The following RNF141 variants were observed in gnomAD, a reference collection of about 807,000 sequenced individuals.
The protein encoded by RNF141 is C3HC4-like zinc finger protein.
A neutral mutation model predicts 27.4 loss-of-function variants in RNF141; 18 were observed. That is an observed-to-expected ratio of 0.66 (90% confidence interval 0.45 to 0.97). RNF141 has a LOEUF of 0.97. RNF141 is among the 50% of genes least tolerant of loss of function. The pLI is 0.00. For synonymous variants in RNF141, 97 were observed against 96.6 expected, an observed-to-expected ratio of 1.00 and a Z score of -0.02; for missense variants, 230 against 279.4, an observed-to-expected ratio of 0.82 and a Z score of 1.26.
At chr11:10,536,117 C>T (rs1163190924) in intron 1 of RNF141, among the ~76,000 whole-genome samples, 3 of 152,002 alleles carry the variant, frequency 2.0e-5, no homozygotes, top group Non-Finnish European at 4.4e-5. Context: ...AGTACAGGTG[C>T]TGTGAAAGCC....
intron 5 of RNF141, chr11:10,516,626 T>TGTGAAGA (rs1161307236): frequency 3.9e-5 from 6 of 152,228 alleles, no homozygotes; most frequent in African/African-American, 1.4e-4. Flanking sequence ...AGTGTGTGCA[T>TGTGAAGA]GTGAAGACAC....
At chr11:10,523,343 G>C (rs1159140185) in intron 4 of RNF141, among the ~76,000 whole-genome samples, 1 of 152,232 alleles carries the variant, frequency 6.6e-6, no homozygotes, top group African/African-American at 2.4e-5. Context: ...GTCTTGGCTA[G>C]AACAATTTCT....
At chr11:10,521,307 T>C (rs1220099201) in intron 4 of RNF141, among the ~76,000 whole-genome samples, 2 of 152,244 alleles carry the variant, frequency 1.3e-5, no homozygotes, top group Non-Finnish European at 2.9e-5. Context: ...ATTGATTGGC[T>C]GGCCTTTCCA....
At chr11:10,515,300 G>A in intron 5 of RNF141, 1 of 513,186 alleles carries the variant, frequency 1.9e-6, no homozygotes, top group Non-Finnish European at 3.4e-6. Context: ...AAGCTTATGT[G>A]TACACACATG....
At chr11:10,516,617 G>A (rs989995935) in intron 5 of RNF141, 2 of 152,278 alleles carry the variant, frequency 1.3e-5, no homozygotes, top group Admixed American at 1.3e-4. Context: ...GTGCTGATCA[G>A]TGTGTGCATG....
chr11:10,536,323 A>T (rs954607972), intron 1 of RNF141, among the ~76,000 whole-genome samples: 1 of 152,146 alleles, frequency 6.6e-6, no homozygotes, highest in South Asian at 2.1e-4. Context: ...GGTAATTTTT[A>T]AAAAGGCCAC....
In RNF141 at chr11:10,512,179, C is replaced by T. The variant is rs993404016; in HGVS notation, c.*2737G>A. 1 of 152,596 alleles carries T rather than the reference C, an allele frequency of 6.6e-6. No homozygotes were observed. 9.5% of individuals were successfully genotyped at this position (152,596 alleles called of 1,614,324 possible). On this transcript the variant is annotated 3_prime_UTR_variant, in exon 6 of 6. Transcript: ENST00000265981. The stretch of plus-strand genomic sequence containing the variant: ...ATTATATTTCCTATCATAGTAAGTA[C>T]ATTTAAGTACTTCATATTTAAAAAA...
At chr11:10,525,473 TAGG>T in intron 3 of RNF141, 100 bp from the exon 4 acceptor site, 1 of 887,654 alleles carries the variant, frequency 1.1e-6, no homozygotes, top group Non-Finnish European at 1.7e-6. Context: ...TCCTAGGAAA[TAGG>T]AGTTTTCAGG....
chr11:10,518,683 C>G (rs1397777153), intron 5 of RNF141: 1 of 170,046 alleles, frequency 5.9e-6, no homozygotes, highest in Non-Finnish European at 1.3e-5. Flanking sequence ...TCCCTGAGGT[C>G]CAGTATTCAA....
At chr11:10,526,501 C>T (rs11604691) in intron 3 of RNF141, among the ~76,000 whole-genome samples, 14,417 of 152,016 alleles carry the variant, frequency 0.095, 835 homozygotes, top group South Asian at 0.25. Context: ...ATGAGTCATG[C>T]GGCCAGGCAC....
In RNF141 at chr11:10,513,497, T is replaced by C. The variant is rs1475180738; in HGVS notation, c.*1419A>G. ...TGTTAATGTTAGAAATTTTAGTTCATAAGCAAAAAAAATGGTTGAGGTGCA... is the reference window on the plus strand; with the variant it reads ...TGTTAATGTTAGAAATTTTAGTTCACAAGCAAAAAAAATGGTTGAGGTGCA... On this transcript the variant is annotated 3_prime_UTR_variant, in exon 6 of 6. Transcript: ENST00000265981. 1 of 151,970 alleles carries C rather than the reference T, an allele frequency of 6.6e-6. No individual in the cohort carries two copies. The highest frequency in any genetic ancestry group is 1.5e-5 in the Non-Finnish European group (1 of 67,958). 9.4% of individuals were successfully genotyped at this position (151,970 alleles called of 1,614,324 possible).
chr11:10,524,455 C>A (rs1849914952), intron 4 of RNF141, among the ~76,000 whole-genome samples: 1 of 151,948 alleles, frequency 6.6e-6, no homozygotes, highest in Non-Finnish European at 1.5e-5. Flanking sequence ...AGGTAAAGGA[C>A]ACGGTGAATA....
At chr11:10,534,608 G>A (rs929498791) in intron 1 of RNF141, among the ~76,000 whole-genome samples, 3 of 152,024 alleles carry the variant, frequency 2.0e-5, no homozygotes, top group Non-Finnish European at 4.4e-5. Flanking sequence ...ACTGTTTTCC[G>A]TATATTATGT....
Position 10,534,055 on chromosome 11 carries a change from T to C in RNF141, c.104A>G (p.Tyr35Cys). 1 of 1,613,574 alleles carries C rather than the reference T, an allele frequency of 6.2e-7. No individual in the cohort carries two copies. Among genetic ancestry groups the C allele is most frequent in the Non-Finnish European group, 8.5e-7 (1 of 1,179,648 alleles). Residue 35 changes from tyrosine to cysteine, a missense_variant, in exon 2 of 6, where the codon TAT (tyrosine) becomes TGT (cysteine). By Grantham distance (194) the Tyr-to-Cys change is radical (BLOSUM62 -2). Coordinates refer to ENST00000265981, the MANE Select transcript of RNF141 (RefSeq NM_016422.4). Reference sequence around the variant, plus strand: ...AGCTACTCTCCCAAGAAATTCTTCATAAGTTAAGGAGCCACTCTCTCGAAC... The same window carrying C: ...AGCTACTCTCCCAAGAAATTCTTCACAAGTTAAGGAGCCACTCTCTCGAAC... ...TLVRESGSLT[Y>C]EEFLGRVAEL...
At position 10,534,477 on chromosome 11, in the gene RNF141, TACACAC is replaced by T. The variant is rs3074399; in HGVS notation, c.-47-278_-47-273del. On this transcript the variant is annotated intron_variant, in intron 1 of 5. Transcript: ENST00000265981. ...AACCACTAAAGCACATGTGCATGTG[TACACAC>T]ACACACACACACACACACACGCATT... 1.5e-3 allele frequency among the ~76,000 whole-genome samples: 230 copies of T among 149,938 alleles called. No homozygotes were observed. In the Middle Eastern group the frequency reaches 0.017, roughly 11 times the overall value.
At chr11:10,523,951 TG>T (rs1591497851) in intron 4 of RNF141, among the ~76,000 whole-genome samples, 1 of 152,240 alleles carries the variant, frequency 6.6e-6, no homozygotes, top group African/African-American at 2.4e-5. Context: ...AAAAGTCACT[TG>T]GCCTATCAGT....
chr11:10,539,688 A>AT (rs1322995540), intron 1 of RNF141, among the ~76,000 whole-genome samples: 1 of 87,140 alleles, frequency 1.1e-5, no homozygotes, highest in Non-Finnish European at 2.3e-5. Flanking sequence ...AAAAAGATAC[A>AT]TACATATATA....
rs11553579 is a variant in RNF141, at chr11:10,512,250, A to G, written c.*2666T>C. The G allele has an allele frequency of 0.029, 4,395 of 152,784 alleles. 90 individuals carry two copies. Among genetic ancestry groups the G allele is most frequent in the Non-Finnish European group, 0.044 (2,986 of 68,014 alleles). The allele number at this position is 152,784 out of a possible 1,614,324, so 9.5% of individuals were successfully genotyped here. The stretch of plus-strand genomic sequence containing the variant: ...AAAAAGTGTACATTTCATCCATTAA[A>G]CAAATTTACAACTTTTACGATTAGT... On this transcript the variant is annotated 3_prime_UTR_variant, in exon 6 of 6. Coordinates refer to ENST00000265981, the MANE Select transcript of RNF141 (RefSeq NM_016422.4).
rs1849801189 is a variant in RNF141, at chr11:10,511,716, A to G, written c.*3200T>C. 1 of 152,402 alleles carries G rather than the reference A, an allele frequency of 6.6e-6. No homozygotes were observed. Among genetic ancestry groups the G allele is most frequent in the African/African-American group, 2.4e-5 (1 of 41,578 alleles). 9.4% of individuals were successfully genotyped at this position (152,402 alleles called of 1,614,324 possible). A position where few individuals can be genotyped will look rare whatever the true frequency, so the allele number is the denominator to read the frequency against. ...AATAAACTCAACTTCCCAATGTTAA[A>G]AATCACTGAATCAAAAGATATTTTC... is the stretch of plus-strand genomic sequence containing the variant. On this transcript the variant is annotated 3_prime_UTR_variant, in exon 6 of 6. Coordinates refer to ENST00000265981, the MANE Select transcript of RNF141 (RefSeq NM_016422.4).
Sources: gnomAD v4.1 joint callset for allele counts (sites outside exome capture counted in the v4.1 genomes callset) on GRCh38, gnomAD v4.1.1 for gene constraint, MANE v1.5 for transcripts, NCBI Gene and HGNC (gene_info 2026-07-23, HGNC 2026-07-21) for gene names.